Variants in GON4L observed in about 807,000 individuals in gnomAD.
GON4L encodes gon-4 like.
A neutral mutation model predicts 211.8 loss-of-function variants in GON4L; 87 were observed. That is an observed-to-expected ratio of 0.41 (90% CI 0.35 to 0.49). The LOEUF (loss-of-function observed/expected upper bound fraction) is 0.49, where lower values mean the gene tolerates loss of function less well. Ranked by LOEUF, GON4L falls within the 20% of genes least tolerant of loss-of-function variation. The pLI is 0.15. For synonymous variants in GON4L, 875 were observed against 962.6 expected, an observed-to-expected ratio of 0.91 and a Z score of 1.68; for missense variants, 2,155 against 2,659.5, an observed-to-expected ratio of 0.81 and a Z score of 4.17.
chr1:155,764,276 G>A (rs1316405859), intron 21 of GON4L, among the ~76,000 whole-genome samples: 1 of 151,878 alleles, frequency 6.6e-6, no homozygotes, highest in African/African-American at 2.4e-5. Context: ...GTGCCACTAC[G>A]CCCAGCTAAT....
At chr1:155,823,515 C>T (rs1053582126) in intron 3 of GON4L, among the ~76,000 whole-genome samples, 1 of 152,110 alleles carries the variant, frequency 6.6e-6, no homozygotes, top group Non-Finnish European at 1.5e-5. Flanking sequence ...ACACAGATGT[C>T]GACTACCACT....
downstream of GON4L, among the ~76,000 whole-genome samples, chr1:155,745,663 G>A (rs892698448): frequency 6.6e-6 from 1 of 152,176 alleles, no homozygotes; most frequent in Non-Finnish European, 1.5e-5. Context: ...GCCACGTCTA[G>A]GAAGAGGTAG....
At chr1:155,805,692 C>CT (rs565142517) in intron 10 of GON4L, among the ~76,000 whole-genome samples, 466 of 142,832 alleles carry the variant, frequency 3.3e-3, no homozygotes, top group Middle Eastern at 7.4e-3. Flanking sequence ...TCTATCAATA[C>CT]TTTTTTTTTT....
intron 27 of GON4L, chr1:155,756,471 G>C (rs751450113): frequency 6.3e-6 from 1 of 158,174 alleles, no homozygotes; most frequent in Admixed American, 6.1e-5. Flanking sequence ...CTGCATGTCT[G>C]TATCAGCCTG....
intron 6 of GON4L, among the ~76,000 whole-genome samples, chr1:155,818,029 A>G (rs967905129): frequency 6.6e-6 from 1 of 151,746 alleles, no homozygotes; most frequent in South Asian, 2.1e-4. Flanking sequence ...ACTTCTCCAC[A>G]TCTATATTCA....
intron 8 of GON4L, among the ~76,000 whole-genome samples, chr1:155,815,069 G>A (rs979851250): frequency 4.6e-5 from 7 of 151,940 alleles, no homozygotes; most frequent in East Asian, 1.9e-4. Context: ...AGCCAACATC[G>A]CACACTGCAC....
chr1:155,745,955 C>G (rs1660242208), downstream of GON4L: 2 of 755,204 alleles, frequency 2.6e-6, no homozygotes, highest in Non-Finnish European at 4.2e-6. Flanking sequence ...CCTTCGGGAT[C>G]TACAGTCCCG....
At chr1:155,814,242 T>A in intron 9 of GON4L, 88 bp downstream of exon 9, 1 of 1,263,832 alleles carries the variant, frequency 7.9e-7, no homozygotes, top group Non-Finnish European at 1.1e-6. Flanking sequence ...CAGCCCAGAA[T>A]CACCATGGAT....
rs372382211 is a variant in GON4L at position 155,766,450 on chromosome 1, G to A, written c.3023C>T (p.Pro1008Leu). ...SSVLKPLLIQ[P>L]SPSLQPSFNP... Reference sequence around the variant, plus strand: ...GAAGCTGGGCTGGAGAGAGGGGCTGGGTTGGATAAGGAGGGGCTTCAGGAC... The same window carrying A: ...GAAGCTGGGCTGGAGAGAGGGGCTGAGTTGGATAAGGAGGGGCTTCAGGAC... The change falls in exon 21 of 32, where the codon CCC (proline) becomes CTC (leucine). Residue 1008 changes from proline (P) to leucine (L), a missense_variant. Around this residue, in one of 6 missense-constraint regions of GON4L, gnomAD observed 615 missense variants for 625.7 expected, o/e 0.98. Coordinates refer to ENST00000368331, the MANE Select transcript of GON4L (RefSeq NM_001282860.2). 6.2e-7 allele frequency: 1 copy of A among 1,614,110 alleles called. No individual in the cohort carries two copies.
chr1:155,776,376 T>C lies in GON4L; in HGVS notation c.2178+19A>G, dbSNP rs768640025. On this transcript the variant is annotated intron_variant, in intron 16 of 31. Transcript: ENST00000368331. ...TTTCATACTCTAGTCTTTAGAGTTA[T>C]GGATATTTGGAAACTTACAAGAAAT... 53 of 1,496,464 alleles carry C rather than the reference T, an allele frequency of 3.5e-5. No homozygotes were observed. The highest frequency in any genetic ancestry group is 1.4e-4 in the East Asian group (6 of 44,306). 92.7% of individuals were successfully genotyped at this position (1,496,464 alleles called of 1,614,324 possible). A position where few individuals can be genotyped will look rare whatever the true frequency, so the allele number is the denominator to read the frequency against.
chr1:155,763,617 G>A (rs1662077546), intron 21 of GON4L, 53 bp from the exon 22 acceptor site: 30 of 1,423,348 alleles, frequency 2.1e-5, no homozygotes, highest in Non-Finnish European at 2.8e-5. Flanking sequence ...CTCATGAATT[G>A]CAAACAACAC....
In GON4L at chr1:155,783,966, A is replaced by T; in HGVS notation, c.1892+20T>A. On this transcript the variant is annotated intron_variant, in intron 14 of 31. Coordinates refer to ENST00000368331, the MANE Select transcript of GON4L (RefSeq NM_001282860.2). ...AAACTTTTCCTCTATTCCAAATCTC[A>T]AGGTCTTCAACTAGCCTACCGTAGA... is the stretch of plus-strand genomic sequence containing the variant. 1 of 1,612,674 alleles carries T rather than the reference A, an allele frequency of 6.2e-7. No individual in the cohort carries two copies. The highest frequency in any genetic ancestry group is 1.1e-5 in the South Asian group (1 of 91,052).
intron 2 of GON4L, among the ~76,000 whole-genome samples, chr1:155,843,823 C>A (rs1012633495): frequency 2.6e-5 from 4 of 152,108 alleles, no homozygotes; most frequent in African/African-American, 9.7e-5. Flanking sequence ...TCTCTATAGA[C>A]CCAGTTTGGC....
At chr1:155,767,980 G>A (rs922156911) in intron 19 of GON4L, among the ~76,000 whole-genome samples, 1 of 151,962 alleles carries the variant, frequency 6.6e-6, no homozygotes, top group Admixed American at 6.6e-5. Context: ...AGAAGAGAAG[G>A]GGGGAAAAAA....
upstream of GON4L, among the ~76,000 whole-genome samples, chr1:155,859,089 A>G (rs1672488614): frequency 1.3e-5 from 2 of 151,898 alleles, no homozygotes; most frequent in South Asian, 4.1e-4. Flanking sequence ...GTTTCCATCC[A>G]CTGTGAAATA....
intron 10 of GON4L, among the ~76,000 whole-genome samples, chr1:155,812,871 G>C (rs778297143): frequency 2.0e-5 from 3 of 152,024 alleles, no homozygotes; most frequent in Non-Finnish European, 2.9e-5. Context: ...TCCTGATTTT[G>C]ATTAACACTA....
chr1:155,789,567 A>G (rs1665311291), intron 12 of GON4L, among the ~76,000 whole-genome samples: 1 of 152,110 alleles, frequency 6.6e-6, no homozygotes, highest in South Asian at 2.1e-4. Context: ...CTTGACCGCA[A>G]GAGTTCAAGA....
chr1:155,852,370 C>T (rs1300979103), intron 2 of GON4L, among the ~76,000 whole-genome samples: 1 of 152,044 alleles, frequency 6.6e-6, no homozygotes, highest in East Asian at 1.9e-4. Context: ...AGTAGTCTCC[C>T]CCTTTAAGCT....
Position 155,766,548 on chromosome 1 carries a change from C to A in GON4L, c.2925G>T (p.Lys975Asn), listed in dbSNP as rs748724885. Residue 975 changes from lysine (K) to asparagine (N), a missense_variant, in exon 21 of 32, where the codon AAG (lysine) becomes AAT (asparagine). Lys to Asn is a moderately conservative substitution (Grantham distance 94). This residue lies in a region of GON4L where 615 missense variants were observed against 625.7 expected (regional missense o/e 0.98). Transcript: ENST00000368331. ...CTGGCTTCAGTTTCAGGACTACACC[C>A]TTAGGCAATAGCAGTGGGTACCGAG... Reference protein sequence around the residue: ...SESRYPLLLPKGVVLKLKPVA... With the variant: ...SESRYPLLLPNGVVLKLKPVA... The A allele has an allele frequency of 6.2e-7, 1 of 1,614,070 alleles. No individual in the cohort carries two copies.
Sources: gnomAD v4.1 joint callset for allele counts (sites outside exome capture counted in the v4.1 genomes callset) on GRCh38, gnomAD v4.1.1 for gene constraint, gnomAD v4.1.1 regional missense constraint, MANE v1.5 for transcripts, NCBI Gene and HGNC (gene_info 2026-07-23, HGNC 2026-07-21) for gene names.